The following SLC10A7 variants were observed in gnomAD, a reference collection of about 807,000 sequenced individuals.
SLC10A7 encodes the protein solute carrier family 10 member 7.
In SLC10A7, 29 loss-of-function variants were observed where a neutral mutation model predicts 43.2. The ratio of observed to expected loss-of-function variants is 0.67; its 90% CI spans 0.50 to 0.92. The LOEUF (loss-of-function observed/expected upper bound fraction) is 0.92. Ranked by LOEUF, SLC10A7 falls within the 40% of genes least tolerant of loss-of-function variation. The probability of loss-of-function intolerance (pLI) is 0.00; values close to 1 mark genes in which losing one functional copy is unlikely to be tolerated. For missense variants in SLC10A7, 295 were observed against 403.2 expected (o/e 0.73, Z 2.30); for synonymous variants, 152 against 144.8 (o/e 1.05, Z -0.35).
intron 6 of SLC10A7, among the ~76,000 whole-genome samples, chr4:146,306,241 A>G (rs942551386): frequency 6.6e-6 from 1 of 152,174 alleles, no homozygotes; most frequent in South Asian, 2.1e-4. Flanking sequence ...ATTGATTTGC[A>G]ATCAACCTAA....
chr4:146,499,330 A>C (rs1363745783), intron 4 of SLC10A7, among the ~76,000 whole-genome samples: 1 of 152,186 alleles, frequency 6.6e-6, no homozygotes, highest in Non-Finnish European at 1.5e-5. Context: ...AGAGAATCAC[A>C]GAAAAGCAGA....
intron 4 of SLC10A7, among the ~76,000 whole-genome samples, chr4:146,460,630 T>C (rs1732448525): frequency 6.6e-6 from 1 of 151,826 alleles, no homozygotes; most frequent in African/African-American, 2.4e-5. Context: ...CTGGAAAAGG[T>C]AAAACAGAAA....
intron 7 of SLC10A7, among the ~76,000 whole-genome samples, chr4:146,304,887 G>A (rs1458546944): frequency 6.6e-6 from 1 of 151,976 alleles, no homozygotes; most frequent in Non-Finnish European, 1.5e-5. Flanking sequence ...GGGAGTCTAA[G>A]TCTCTTTGTA....
intron 5 of SLC10A7, among the ~76,000 whole-genome samples, chr4:146,359,389 G>GA: frequency 6.6e-6 from 1 of 152,154 alleles, no homozygotes; most frequent in East Asian, 1.9e-4. Context: ...TAATTTTAAT[G>GA]AAATCCAATT....
At chr4:146,450,058 A>G (rs1032414781) in intron 4 of SLC10A7, among the ~76,000 whole-genome samples, 5 of 152,078 alleles carry the variant, frequency 3.3e-5, no homozygotes, top group Admixed American at 3.3e-4. Flanking sequence ...TAAAAATATT[A>G]TAATAACAAC....
In SLC10A7 at chr4:146,421,741, A is replaced by G. The variant is rs140112077; in HGVS notation, c.435+21042T>C. 5.1e-4 allele frequency among the ~76,000 whole-genome samples: 77 copies of G among 152,332 alleles called. 1 individual carries two copies. In the East Asian group the frequency reaches 0.012, roughly 24 times the overall value. The stretch of plus-strand genomic sequence containing the variant: ...CCATTACATTTATACACAGAGAGAT[A>G]TAACAGTGAGCATAACAGGCATGGT... On this transcript the variant is annotated intron_variant, in intron 5 of 11. Coordinates refer to ENST00000335472, the MANE Select transcript of SLC10A7 (RefSeq NM_001029998.6).
chr4:146,313,708 C>T (rs570907685), intron 6 of SLC10A7, among the ~76,000 whole-genome samples: 2 of 152,238 alleles, frequency 1.3e-5, no homozygotes, highest in South Asian at 4.2e-4. Context: ...CTATCATAGA[C>T]AGCAAATTAC....
intron 9 of SLC10A7, among the ~76,000 whole-genome samples, chr4:146,285,531 T>C (rs1249422436): frequency 6.6e-6 from 1 of 152,192 alleles, no homozygotes; most frequent in Non-Finnish European, 1.5e-5. Flanking sequence ...TGGGGATAAA[T>C]GCCAGTGCTT....
intron 5 of SLC10A7, chr4:146,442,216 A>G (rs1036158839): frequency 1.0e-6 from 1 of 960,606 alleles, no homozygotes; most frequent in African/African-American, 1.8e-5. Flanking sequence ...TACTTATGAA[A>G]GCTGAACTAC....
chr4:146,499,625 G>A (rs1156829792), intron 4 of SLC10A7, among the ~76,000 whole-genome samples: 1 of 152,058 alleles, frequency 6.6e-6, no homozygotes, highest in East Asian at 1.9e-4. Flanking sequence ...ATATCAGAAG[G>A]TAGGACCAAA....
At chr4:146,511,244 G>T (rs982070811) in intron 2 of SLC10A7, among the ~76,000 whole-genome samples, 4 of 152,142 alleles carry the variant, frequency 2.6e-5, no homozygotes, top group African/African-American at 9.7e-5. Flanking sequence ...TAACCTCTAG[G>T]ATTCAAATAT....
At chr4:146,297,240 T>C (rs1227300756) in intron 7 of SLC10A7, among the ~76,000 whole-genome samples, 2 of 152,148 alleles carry the variant, frequency 1.3e-5, no homozygotes, top group East Asian at 3.9e-4. Flanking sequence ...GGAAAAAATC[T>C]TCCATAGAAG....
intron 5 of SLC10A7, among the ~76,000 whole-genome samples, chr4:146,344,862 A>G (rs1298123651): frequency 6.6e-6 from 1 of 152,162 alleles, no homozygotes; most frequent in African/African-American, 2.4e-5. Context: ...TTATTTTTAA[A>G]TGAATTAATA....
intron 5 of SLC10A7, among the ~76,000 whole-genome samples, chr4:146,398,065 T>C (rs1463503597): frequency 2.0e-5 from 3 of 152,204 alleles, no homozygotes; most frequent in Non-Finnish European, 4.4e-5. Context: ...TGCAACATCA[T>C]GTAATCAGAA....
intron 4 of SLC10A7, among the ~76,000 whole-genome samples, chr4:146,472,450 T>C (rs911358016): frequency 6.6e-6 from 1 of 151,810 alleles, no homozygotes; most frequent in African/African-American, 2.4e-5. Flanking sequence ...TTTTTTTTTT[T>C]TTTTCCTTTC....
chr4:146,386,717 C>A (rs549289807), intron 5 of SLC10A7, among the ~76,000 whole-genome samples: 1 of 152,256 alleles, frequency 6.6e-6, no homozygotes, highest in African/African-American at 2.4e-5. Context: ...CCTTCAAAGT[C>A]CACTCAAATG....
At chr4:146,428,409 T>C (rs957464507) in intron 5 of SLC10A7, among the ~76,000 whole-genome samples, 1 of 152,194 alleles carries the variant, frequency 6.6e-6, no homozygotes. Context: ...CAAAGCAATA[T>C]TCTGAATTAT....
intron 5 of SLC10A7, among the ~76,000 whole-genome samples, chr4:146,391,416 T>C (rs1738417969): frequency 6.6e-6 from 1 of 152,142 alleles, no homozygotes; most frequent in Non-Finnish European, 1.5e-5. Flanking sequence ...TGTGTGACCA[T>C]CACCAAGGAA....
At chr4:146,470,494 A>G (rs1443761296) in intron 4 of SLC10A7, among the ~76,000 whole-genome samples, 1 of 152,122 alleles carries the variant, frequency 6.6e-6, no homozygotes. Context: ...TGCTATAACT[A>G]CAAAGAAGGA....
Sources: gnomAD v4.1 joint callset for allele counts (sites outside exome capture counted in the v4.1 genomes callset) on GRCh38, gnomAD v4.1.1 for gene constraint, MANE v1.5 for transcripts, NCBI Gene and HGNC (gene_info 2026-07-23, HGNC 2026-07-21) for gene names.